The following RIN3 variants were observed in gnomAD, a reference collection of about 807,000 sequenced individuals.
RIN3 encodes the protein RAB5 interacting protein 3.
In RIN3, 54 loss-of-function variants were observed where a neutral mutation model predicts 76.3. The ratio of observed to expected loss-of-function variants is 0.71; its 90% CI spans 0.57 to 0.89. The LOEUF is 0.89. Among genes scored for constraint, RIN3 ranks in the 40% least tolerant of loss-of-function variants. RIN3 has a pLI of 0.00. For missense variants in RIN3, 1,256 were observed against 1,322.1 expected (o/e 0.95, Z 0.78); for synonymous variants, 576 against 564.0 (o/e 1.02, Z -0.30).
In RIN3 at chr14:92,566,975, AC is replaced by A. The variant is rs556111398; in HGVS notation, c.250-10383del. 7.9e-5 allele frequency among the ~76,000 whole-genome samples: 12 copies of A among 152,220 alleles called. No homozygotes were observed. The East Asian group carries it at 2.3e-3, about 29-fold the overall frequency. On this transcript the variant is annotated intron_variant, in intron 2 of 9. Transcript: ENST00000216487. ...GCCATGGAGTATATGCTTATTTAAC[AC>A]CAGTGGGTTGGTTGGGCTAGAGGTT...
At chr14:92,556,386 G>C (rs1261912814) in intron 2 of RIN3, among the ~76,000 whole-genome samples, 3 of 152,176 alleles carry the variant, frequency 2.0e-5, no homozygotes, top group African/African-American at 7.2e-5. Context: ...GCAAATAAGG[G>C]GCTGTGTGAT....
Position 92,651,880 on chromosome 14 carries a change from A to ACCCC in RIN3, c.832_833insCCCC (p.Arg278ProfsTer147). The ACCCC allele has an allele frequency of 6.5e-7, 1 of 1,540,910 alleles. No individual in the cohort carries two copies. The highest frequency in any genetic ancestry group is 8.7e-7 in the Non-Finnish European group (1 of 1,146,858). On this transcript the variant is annotated frameshift_variant, in exon 6 of 10. Coordinates refer to ENST00000216487, the MANE Select transcript of RIN3 (RefSeq NM_024832.5). LOFTEE classifies it high-confidence loss of function. Reference sequence around the variant, plus strand: ...CCTCACCCACCTCCAGGTGGGCCCCACGCCGCCCACCACCCCCTCCCCCAG... The same window carrying ACCCC: ...CCTCACCCACCTCCAGGTGGGCCCCACCCCCGCCGCCCACCACCCCCTCCCCCAG...
In RIN3 at chr14:92,613,605, C is replaced by T. The variant is rs1885831740; in HGVS notation, c.368-1802C>T. On this transcript the variant is annotated intron_variant, in intron 3 of 9. Transcript: ENST00000216487. The stretch of plus-strand genomic sequence containing the variant: ...CACAGACCTCTAATGCTGTGGAGTG[C>T]AGTCCTGGGCTTTGAAAACAGGTCC... Among the ~76,000 whole-genome samples the T allele has an allele frequency of 1.3e-5, 2 of 152,168 alleles. 1 individual carries two copies. Among genetic ancestry groups the T allele is most frequent in the South Asian group, 4.1e-4 (2 of 4,830 alleles).
chr14:92,582,372 G>T (rs1884577277), intron 3 of RIN3, among the ~76,000 whole-genome samples: 2 of 151,714 alleles, frequency 1.3e-5, no homozygotes, highest in African/African-American at 4.8e-5. Context: ...TCGTTCATGT[G>T]CATTCACTAT....
intron 7 of RIN3, among the ~76,000 whole-genome samples, chr14:92,659,955 G>A (rs933774200): frequency 6.6e-6 from 1 of 152,144 alleles, no homozygotes; most frequent in African/African-American, 2.4e-5. Flanking sequence ...TCTTCACATG[G>A]TGTGCTTCCT....
At chr14:92,666,340 C>T (rs764949115) in intron 7 of RIN3, among the ~76,000 whole-genome samples, 5 of 152,184 alleles carry the variant, frequency 3.3e-5, no homozygotes, top group Non-Finnish European at 5.9e-5. Context: ...GTTAACTGGC[C>T]ATGCTATCTT....
At chr14:92,634,333 G>A (rs964340129) in intron 4 of RIN3, among the ~76,000 whole-genome samples, 16 of 130,570 alleles carry the variant, frequency 1.2e-4, no homozygotes, top group Middle Eastern at 3.8e-3. Flanking sequence ...ACCCACCTCA[G>A]CCTCCCAAAG....
Position 92,681,529 on chromosome 14 carries a change from G to C in RIN3, c.2468-3458G>C, listed in dbSNP as rs1888661940. Among the ~76,000 whole-genome samples the C allele has an allele frequency of 6.6e-6, 1 of 152,184 alleles. No individual in the cohort carries two copies. The highest frequency in any genetic ancestry group is 2.1e-4 in the South Asian group (1 of 4,832). ...GATAAGGAAACTGAGGCATAGAGAG[G>C]CCATTAGCTCACCTGAATTACAGGG... On this transcript the variant is annotated intron_variant, in intron 8 of 9. Transcript: ENST00000216487. This position sits in a 1 kb window ranked among gnomAD's most constrained non-coding sequence, Gnocchi z 4.7.
chr14:92,658,644 C>T (rs2140149952), intron 6 of RIN3, among the ~76,000 whole-genome samples: 1 of 152,260 alleles, frequency 6.6e-6, no homozygotes, highest in East Asian at 1.9e-4. Flanking sequence ...GGTAGCCTGA[C>T]CAACCCAGGT....
intron 8 of RIN3, among the ~76,000 whole-genome samples, chr14:92,679,894 C>T (rs114111691): frequency 0.024 from 3,669 of 152,326 alleles, 125 homozygotes; most frequent in South Asian, 0.08. Context: ...GGCAAGTCAC[C>T]TAACCTCTCT....
intron 1 of RIN3, among the ~76,000 whole-genome samples, chr14:92,527,228 A>C (rs184595640): frequency 1.3e-5 from 2 of 150,664 alleles, no homozygotes; most frequent in East Asian, 3.9e-4. Flanking sequence ...TTTTTTTTGT[A>C]TTTTTAGTAG....
intron 4 of RIN3, among the ~76,000 whole-genome samples, chr14:92,628,318 G>A (rs1292271593): frequency 1.3e-5 from 2 of 152,138 alleles, no homozygotes; most frequent in African/African-American, 2.4e-5. Context: ...AACAATTTGG[G>A]GGTCAAGCAG....
At chr14:92,515,537 C>T in intron 1 of RIN3, 1 of 454,322 alleles carries the variant, frequency 2.2e-6, no homozygotes, top group Non-Finnish European at 3.9e-6. Flanking sequence ...GTTTTGAGGA[C>T]TAAATACACA....
At chr14:92,677,145 C>CAGTTAATGAT (rs1888496341) in intron 8 of RIN3, among the ~76,000 whole-genome samples, 1 of 152,164 alleles carries the variant, frequency 6.6e-6, no homozygotes. Flanking sequence ...TCAGGACCTC[C>CAGTTAATGAT]ATCAGTGGGA....
At chr14:92,517,571 G>A (rs1269757861) in intron 1 of RIN3, among the ~76,000 whole-genome samples, 3 of 152,094 alleles carry the variant, frequency 2.0e-5, no homozygotes, top group Admixed American at 6.5e-5. Flanking sequence ...GGGGCCATGC[G>A]TTATCATCTT....
rs776233702 is a variant in RIN3 at position 92,685,076 on chromosome 14, G to A, written c.2557G>A (p.Val853Met). The A allele has an allele frequency of 4.3e-6, 7 of 1,613,826 alleles. No homozygotes were observed. The highest frequency in any genetic ancestry group is 5.9e-6 in the Non-Finnish European group (7 of 1,179,990). ...ITVTRQLSVE[V>M]QDSIHRWERR... ...GGTGACCCGGCAGCTGAGTGTGGAG[G>A]TGCAGGACTCCATCCACCGCTGGGA... The change falls in exon 9 of 10, where the codon GTG becomes ATG. Residue 853 changes from valine to methionine, a missense_variant. Transcript: ENST00000216487. The surrounding 1 kb of genome is among the most constrained non-coding windows in gnomAD (Gnocchi z 4.7).
At chr14:92,627,684 CAGTG>C (rs1220935175) in intron 4 of RIN3, among the ~76,000 whole-genome samples, 3 of 152,206 alleles carry the variant, frequency 2.0e-5, no homozygotes, top group Non-Finnish European at 4.4e-5. Context: ...TTATTCGTCA[CAGTG>C]GGTGGGGTCC....
chr14:92,527,925 G>T (rs56844186), intron 1 of RIN3, among the ~76,000 whole-genome samples: 11,065 of 152,176 alleles, frequency 0.073, 1,341 homozygotes, highest in African/African-American at 0.25. Context: ...TTTCCAGTTT[G>T]GGGCGATGAC....
chr14:92,588,048 T>G (rs531827739), intron 3 of RIN3, among the ~76,000 whole-genome samples: 1 of 152,076 alleles, frequency 6.6e-6, no homozygotes, highest in Admixed American at 6.5e-5. Flanking sequence ...GCAAGAGAGC[T>G]GAATACTGTG....
Sources: gnomAD v4.1 joint callset for allele counts (sites outside exome capture counted in the v4.1 genomes callset) on GRCh38, gnomAD v4.1.1 for gene constraint, Gnocchi (gnomAD v3.1) non-coding constraint, MANE v1.5 for transcripts, NCBI Gene and HGNC (gene_info 2026-07-23, HGNC 2026-07-21) for gene names.